Variants in LYPD6B observed in about 807,000 individuals in gnomAD.
LYPD6B encodes the protein ly6/PLAUR domain-containing protein 6B.
LYPD6B carries 17 observed loss-of-function variants against 22.8 expected under a neutral mutation model. That is an observed-to-expected ratio of 0.75 (90% CI 0.51 to 1.12). LYPD6B has a LOEUF of 1.12. LYPD6B is among the 50% of genes most tolerant of loss of function. The pLI is 0.00. For synonymous variants in LYPD6B, 106 were observed against 91.6 expected (o/e 1.16, Z -0.90); for missense variants, 221 against 258.3 (o/e 0.86, Z 0.99).
intron 1 of LYPD6B, chr2:149,101,553 A>G (rs970962185): frequency 1.3e-5 from 2 of 152,354 alleles, no homozygotes; most frequent in Admixed American, 6.5e-5. Context: ...AAGGGGGGCC[A>G]AGATCCACCT....
At chr2:149,143,163 A>G (rs1448659194) in intron 2 of LYPD6B, among the ~76,000 whole-genome samples, 3 of 152,178 alleles carry the variant, frequency 2.0e-5, no homozygotes, top group African/African-American at 4.8e-5. Flanking sequence ...ATGATATTAC[A>G]TGTATGCACT....
intron 3 of LYPD6B, among the ~76,000 whole-genome samples, chr2:149,190,887 C>T (rs1692443582): frequency 2.0e-5 from 3 of 152,190 alleles, no homozygotes; most frequent in East Asian, 1.9e-4. Flanking sequence ...GTTATACATA[C>T]AGAAGTTGTC....
At chr2:149,129,577 A>C (rs1687901449) in intron 1 of LYPD6B, among the ~76,000 whole-genome samples, 1 of 152,240 alleles carries the variant, frequency 6.6e-6, no homozygotes, top group Non-Finnish European at 1.5e-5. Flanking sequence ...ATAATCTTTA[A>C]GTCAACGGAA....
chr2:149,133,901 G>T (rs1007768708), intron 2 of LYPD6B, among the ~76,000 whole-genome samples: 3 of 152,156 alleles, frequency 2.0e-5, no homozygotes, highest in African/African-American at 4.8e-5. Context: ...ACAAGCCATG[G>T]TTCCTGTTCT....
intron 1 of LYPD6B, among the ~76,000 whole-genome samples, chr2:149,129,589 G>A (rs74546124): frequency 1.9e-3 from 285 of 152,350 alleles, no homozygotes; most frequent in African/African-American, 6.6e-3. Context: ...TCAACGGAAT[G>A]CAGCCTCAGT....
At chr2:149,120,383 A>ATATATATT (rs1327065975) in intron 1 of LYPD6B, among the ~76,000 whole-genome samples, 1 of 48,618 alleles carries the variant, frequency 2.1e-5, no homozygotes, top group African/African-American at 1.1e-4. Flanking sequence ...ATATATATAT[A>ATATATATT]TTTTTTTTTT....
chr2:149,201,396 C>A (rs1343176701), intron 3 of LYPD6B, among the ~76,000 whole-genome samples: 1 of 152,196 alleles, frequency 6.6e-6, no homozygotes, highest in Non-Finnish European at 1.5e-5. Flanking sequence ...AATATAAGCT[C>A]TATTGTGACC....
chr2:149,208,449 A>C, intron 5 of LYPD6B, 37 bp downstream of exon 5: 51 of 1,463,410 alleles, frequency 3.5e-5, no homozygotes, highest in Non-Finnish European at 4.6e-5. Flanking sequence ...CTGTGATCTC[A>C]TTTCATTTGA....
intron 3 of LYPD6B, among the ~76,000 whole-genome samples, chr2:149,162,915 C>T (rs893052862): frequency 9.9e-5 from 15 of 152,092 alleles, no homozygotes; most frequent in Non-Finnish European, 1.5e-4. Context: ...CTTGCTCCTA[C>T]GTGATAAGTG....
At chr2:149,188,536 T>C (rs1302532852) in intron 3 of LYPD6B, 3 of 161,576 alleles carry the variant, frequency 1.9e-5, no homozygotes, top group Non-Finnish European at 3.9e-5. Context: ...GAGGAAGACA[T>C]ACAAATTTGC....
At chr2:149,042,221 C>A (rs1252855537) in intron 1 of LYPD6B, among the ~76,000 whole-genome samples, 1 of 152,210 alleles carries the variant, frequency 6.6e-6, no homozygotes, top group Non-Finnish European at 1.5e-5. Context: ...TTGGTAGTTG[C>A]ATTTAGTAGG....
At chr2:149,112,804 A>G (rs1032365552) in intron 1 of LYPD6B, among the ~76,000 whole-genome samples, 8 of 152,192 alleles carry the variant, frequency 5.3e-5, no homozygotes, top group African/African-American at 1.7e-4. Context: ...GAACTGGGAC[A>G]ACTGTTGCTG....
At chr2:149,090,372 T>C (rs1402536284) in intron 1 of LYPD6B, among the ~76,000 whole-genome samples, 2 of 152,218 alleles carry the variant, frequency 1.3e-5, no homozygotes, top group Non-Finnish European at 2.9e-5. Flanking sequence ...GTGACTTACA[T>C]GGCAGAATGA....
intron 3 of LYPD6B, among the ~76,000 whole-genome samples, chr2:149,201,918 C>A (rs574963344): frequency 6.6e-6 from 1 of 152,292 alleles, no homozygotes; most frequent in East Asian, 1.9e-4. Flanking sequence ...GTGCTGGGAT[C>A]ATTACATATG....
intron 1 of LYPD6B, among the ~76,000 whole-genome samples, chr2:149,112,329 T>C (rs978096743): frequency 6.6e-6 from 1 of 152,192 alleles, no homozygotes; most frequent in African/African-American, 2.4e-5. Context: ...TGTTTGATTT[T>C]TTTTCCCAAT....
chr2:149,066,786 C>T (rs1419889458), intron 1 of LYPD6B, among the ~76,000 whole-genome samples: 1 of 151,872 alleles, frequency 6.6e-6, no homozygotes, highest in Non-Finnish European at 1.5e-5. Context: ...TTCTCATTTG[C>T]TCTCATCCTC....
intron 2 of LYPD6B, among the ~76,000 whole-genome samples, chr2:149,132,076 T>C (rs1211724293): frequency 6.6e-6 from 1 of 151,938 alleles, no homozygotes; most frequent in Non-Finnish European, 1.5e-5. Context: ...TGCTCCCTTT[T>C]TTAAAAGAAA....
At chr2:149,214,022 C>T (rs529930228) in intron 6 of LYPD6B, among the ~76,000 whole-genome samples, 1 of 152,292 alleles carries the variant, frequency 6.6e-6, no homozygotes, top group East Asian at 1.9e-4. Flanking sequence ...CCCCTGAAAA[C>T]ACCAGTTAGG....
chr2:149,205,172 G>A, intron 3 of LYPD6B, 81 bp from the exon 4 acceptor site: 1 of 1,424,246 alleles, frequency 7.0e-7, no homozygotes. Context: ...TTGGATAATG[G>A]AGCTTTCCAA....
Sources: gnomAD v4.1 joint callset for allele counts (sites outside exome capture counted in the v4.1 genomes callset) on GRCh38, gnomAD v4.1.1 for gene constraint, MANE v1.5 for transcripts, NCBI Gene and HGNC (gene_info 2026-07-23, HGNC 2026-07-21) for gene names.